CELA3A: variants seen among roughly 807,000 people sequenced by gnomAD.
CELA3A encodes the protein chymotrypsin-like elastase family member 3A.
CELA3A carries 35 observed loss-of-function variants against 38.6 expected under a neutral mutation model. The observed-to-expected ratio is 0.91, with a 90% CI of 0.69 to 1.20. The LOEUF is 1.20. Among genes scored for constraint, CELA3A ranks in the 50% most tolerant of loss-of-function variants. CELA3A has a pLI of 0.00. For synonymous variants in CELA3A, 143 were observed against 136.7 expected (o/e 1.05, Z -0.32); for missense variants, 343 against 354.2 (o/e 0.97, Z 0.25).
At chr1:22,011,610 A>T (rs1278918398) in intron 7 of CELA3A, among the ~76,000 whole-genome samples, 1 of 126,472 alleles carries the variant, frequency 7.9e-6, no homozygotes, top group African/African-American at 3.2e-5. Flanking sequence ...ATATAAAAAA[A>T]TTGGCCAGGC....
intron 1 of CELA3A, chr1:22,002,727 G>A (rs55638883): frequency 0.19 from 86,103 of 456,616 alleles, 626 homozygotes; most frequent in East Asian, 0.33. Context: ...AGGGCTCATC[G>A]AGGGCCAGGC....
At chr1:22,008,470 AAAACAAAGGCT>A (rs1644964136) in intron 6 of CELA3A, among the ~76,000 whole-genome samples, 1 of 150,918 alleles carries the variant, frequency 6.6e-6, no homozygotes, top group Non-Finnish European at 1.5e-5. Flanking sequence ...CTAAGAAAAA[AAAACAAAGGCT>A]GGGCGCGGTG....
intron 2 of CELA3A, among the ~76,000 whole-genome samples, chr1:22,005,190 G>C (rs1288885064): frequency 1.5e-4 from 22 of 151,308 alleles, no homozygotes; most frequent in African/African-American, 5.4e-4. Context: ...GAGAATGTTG[G>C]GGTCCCCAGG....
intron 4 of CELA3A, among the ~76,000 whole-genome samples, chr1:22,006,649 G>T (rs1389367513): frequency 6.6e-6 from 1 of 150,610 alleles, no homozygotes; most frequent in African/African-American, 2.5e-5. Context: ...CCTTGGCCCA[G>T]GAGGCTGCAG....
chr1:22,007,543 G>A (rs1644959001), intron 6 of CELA3A, 28 bp downstream of exon 6: 3 of 1,598,954 alleles, frequency 1.9e-6, no homozygotes, highest in East Asian at 4.5e-5. Flanking sequence ...TGCCCGAGGT[G>A]GTGCTGGGTG....
chr1:22,002,606 G>A (rs547507363), intron 1 of CELA3A: 185 of 457,258 alleles, frequency 4.0e-4, no homozygotes, highest in South Asian at 2.8e-3. Flanking sequence ...GCCTCTCAGA[G>A]CACTAGGATT....
intron 2 of CELA3A, 107 bp from the exon 3 acceptor site, chr1:22,005,340 T>G: frequency 7.2e-7 from 1 of 1,380,776 alleles, no homozygotes. Context: ...GTTTTCCATG[T>G]GAATGGCGCC....
At position 22,005,654 on chromosome 1, in the gene CELA3A, G is replaced by A. The variant is rs1383372115; in HGVS notation, c.228-8G>A. On this transcript the variant is annotated splice_polypyrimidine_tract_variant and splice_region_variant and intron_variant, in intron 3 of 7. Coordinates refer to ENST00000290122, the MANE Select transcript of CELA3A (RefSeq NM_005747.5). ...TCAGGCCCCGACTGACCTCACCTCT[G>A]CCTGCAGGAGGGATCTGACCTACCA... 8 of 1,612,326 alleles carry A rather than the reference G, an allele frequency of 5.0e-6. No homozygotes were observed. Among genetic ancestry groups the A allele is most frequent in the Non-Finnish European group, 6.8e-6 (8 of 1,179,442 alleles).
chr1:22,005,142 A>C (rs1396659916), intron 2 of CELA3A, among the ~76,000 whole-genome samples: 1 of 151,224 alleles, frequency 6.6e-6, no homozygotes, highest in African/African-American at 2.5e-5. Context: ...GCGTGATAGA[A>C]CAGAGGGCCT....
intron 6 of CELA3A, 22 bp from the exon 7 acceptor site, chr1:22,009,683 C>T: frequency 1.2e-6 from 2 of 1,605,686 alleles, no homozygotes; most frequent in Non-Finnish European, 1.7e-6. Flanking sequence ...CTCAGCCACC[C>T]ACTCCTCTCT....
chr1:22,008,984 C>T (rs1489231002), intron 6 of CELA3A, among the ~76,000 whole-genome samples: 1 of 151,760 alleles, frequency 6.6e-6, no homozygotes, highest in Non-Finnish European at 1.5e-5. Context: ...GTGGCTCACA[C>T]CTATAATCCC....
At chr1:22,003,258 C>T (rs931241801) in intron 2 of CELA3A, among the ~76,000 whole-genome samples, 170 bp downstream of exon 2, 7 of 151,124 alleles carry the variant, frequency 4.6e-5, no homozygotes, top group Non-Finnish European at 7.4e-5. Context: ...TTGCCCGTTT[C>T]ATCTGTAACC....
Position 22,001,724 on chromosome 1 carries a change from C to A in CELA3A, c.43+7C>A. ...CTCCTCCTTGTGGCCGTTGGTAAGACCCCAACCTGTCTGTGTGCTCCCTGG... is the reference window on the plus strand; with the variant it reads ...CTCCTCCTTGTGGCCGTTGGTAAGAACCCAACCTGTCTGTGTGCTCCCTGG... On this transcript the variant is annotated splice_region_variant and intron_variant, in intron 1 of 7. Transcript: ENST00000290122. 6.2e-7 allele frequency: 1 copy of A among 1,612,162 alleles called. No individual in the cohort carries two copies. Among genetic ancestry groups the A allele is most frequent in the Non-Finnish European group, 8.5e-7 (1 of 1,179,330 alleles).
intron 6 of CELA3A, 71 bp from the exon 7 acceptor site, chr1:22,009,634 C>T: frequency 6.4e-7 from 1 of 1,555,264 alleles, no homozygotes; most frequent in Non-Finnish European, 8.7e-7. Flanking sequence ...TCTTGAAATC[C>T]CTAGAATTCA....
At position 22,012,132 on chromosome 1, in the gene CELA3A, C is replaced by T. The variant is rs538579043; in HGVS notation, c.796-318C>T. On this transcript the variant is annotated intron_variant, in intron 7 of 7. Transcript: ENST00000290122. ...GTATATATATATACACAAACACATA[C>T]GTATATATACACACAAATACGTATA... Among the ~76,000 whole-genome samples, 5 of 127,376 alleles carry T rather than the reference C, an allele frequency of 3.9e-5. 1 individual carries two copies. The highest frequency in any genetic ancestry group is 6.4e-5 in the African/African-American group (2 of 31,042). The allele number at this position is 127,376 out of a possible 152,430, so 83.6% of individuals were successfully genotyped here. A position where few individuals can be genotyped will look rare whatever the true frequency, so the allele number is the denominator to read the frequency against.
At position 22,005,627 on chromosome 1, in the gene CELA3A, A is replaced by T. The variant is rs570976600; in HGVS notation, c.228-35A>T. On this transcript the variant is annotated intron_variant, in intron 3 of 7. Transcript: ENST00000290122. ...TGATGGGGAAGGAGGGAGGTGAGCC[A>T]GTCAGGCCCCGACTGACCTCACCTC... 1.8e-5 allele frequency: 29 copies of T among 1,612,268 alleles called. 2 individuals are homozygous for T. The East Asian group carries it at 6.3e-4, about 35-fold the overall frequency.
chr1:22,003,037 C>T lies in CELA3A; in HGVS notation c.78C>T (p.Ser26=), dbSNP rs777947108. Residue 26 remains serine, a synonymous_variant, in exon 2 of 8, where the codon TCC becomes TCT. Coordinates refer to ENST00000290122, the MANE Select transcript of CELA3A (RefSeq NM_005747.5). The stretch of plus-strand genomic sequence containing the variant: ...ATGGCCCACCTTCCTCTCACTCTTC[C>T]AGCCGCGTTGTCCATGGTGAGGATG... The part of the protein sequence containing the change: ...SGYGPPSSHS[S]SRVVHGEDAV... 3.2e-6 allele frequency: 5 copies of T among 1,571,798 alleles called. 1 individual carries two copies. The highest frequency in any genetic ancestry group is 1.8e-5 in the African/African-American group (1 of 56,730).
rs768469764 is a variant in CELA3A, at chr1:22,007,381, C to G, written c.508C>G (p.Pro170Ala). The change falls in exon 6 of 8, where the codon CCA becomes GCA. Residue 170 changes from proline to alanine, a missense_variant. Transcript: ENST00000290122. The part of the protein sequence containing the change: ...TGWGRLYTNG[P>A]LPDKLQQARL... ...GCTTTTTATCCTTGCAGCCAATGGG[C>G]CACTCCCAGACAAGCTGCAGCAGGC... The G allele has an allele frequency of 1.9e-6, 3 of 1,610,318 alleles. No homozygotes were observed. The highest frequency in any genetic ancestry group is 2.5e-6 in the Non-Finnish European group (3 of 1,178,298).
At chr1:22,003,988 G>C (rs1644933915) in intron 2 of CELA3A, among the ~76,000 whole-genome samples, 1 of 150,890 alleles carries the variant, frequency 6.6e-6, no homozygotes, top group African/African-American at 2.5e-5. Context: ...ACAGGTGTGA[G>C]TCACTGCACC....
Sources: allele counts gnomAD v4.1 joint callset (sites outside exome capture counted in the v4.1 genomes callset), GRCh38; gene constraint gnomAD v4.1.1; transcripts MANE v1.5; gene names NCBI Gene and HGNC (gene_info 2026-07-23, HGNC 2026-07-21).